The following ITGA9 variants were observed in gnomAD, a reference collection of about 807,000 sequenced individuals.
The protein encoded by ITGA9 is integrin alpha-9.
ITGA9 carries 56 observed loss-of-function variants against 127.8 expected under a neutral mutation model. The ratio of observed to expected loss-of-function variants is 0.44; its 90% CI spans 0.35 to 0.55. ITGA9 has a LOEUF of 0.55. ITGA9 is among the 20% of genes least tolerant of loss of function. The pLI is 0.00. For missense variants in ITGA9, 1,196 were observed against 1,347.1 expected, an observed-to-expected ratio of 0.89 and a Z score of 1.76; for synonymous variants, 508 against 514.5, an observed-to-expected ratio of 0.99 and a Z score of 0.17.
intron 18 of ITGA9, among the ~76,000 whole-genome samples, chr3:37,729,340 A>C (rs1159010332): frequency 5.3e-5 from 8 of 152,162 alleles, no homozygotes; most frequent in African/African-American, 1.9e-4. Context: ...CCCGGAGCAC[A>C]TGAGTCATGA....
chr3:37,552,753 G>A (rs1309468549), intron 15 of ITGA9, among the ~76,000 whole-genome samples: 1 of 152,130 alleles, frequency 6.6e-6, no homozygotes, highest in South Asian at 2.1e-4. Context: ...GGTGGCTCAC[G>A]CCTGTAATCC....
chr3:37,582,689 A>C (rs1699721243), intron 15 of ITGA9, among the ~76,000 whole-genome samples: 1 of 152,206 alleles, frequency 6.6e-6, no homozygotes, highest in Non-Finnish European at 1.5e-5. Context: ...AATCCCATTA[A>C]GTTGAAGGAA....
chr3:37,755,111 G>T (rs977086947), intron 23 of ITGA9, among the ~76,000 whole-genome samples: 5 of 152,150 alleles, frequency 3.3e-5, no homozygotes, highest in African/African-American at 1.2e-4. Context: ...GGCTTTAGTA[G>T]CCTTTTTCAT....
intron 26 of ITGA9, 98 bp from the exon 27 acceptor site, chr3:37,803,725 G>C: frequency 7.0e-7 from 1 of 1,424,548 alleles, no homozygotes; most frequent in South Asian, 1.2e-5. Flanking sequence ...AGTGAGCCGA[G>C]ATTGTGCCAT....
chr3:37,479,953 A>G (rs1422220435), intron 3 of ITGA9, among the ~76,000 whole-genome samples: 4 of 152,184 alleles, frequency 2.6e-5, no homozygotes, highest in African/African-American at 4.8e-5. Flanking sequence ...CACTTACGAA[A>G]ACAATGCGTT....
chr3:37,522,794 C>A (rs1699057681), intron 11 of ITGA9, among the ~76,000 whole-genome samples: 1 of 151,762 alleles, frequency 6.6e-6, no homozygotes, highest in Non-Finnish European at 1.5e-5. Context: ...GCTAGTGTGT[C>A]CCATGGTGAA....
In ITGA9 at chr3:37,811,796, C is replaced by T. The variant is rs987765781; in HGVS notation, c.3010-7095C>T. Among the ~76,000 whole-genome samples the T allele has an allele frequency of 2.6e-5, 4 of 152,226 alleles. No homozygotes were observed. In the South Asian group the frequency reaches 6.2e-4, roughly 24 times the overall value. On this transcript the variant is annotated intron_variant, in intron 27 of 27. Coordinates refer to ENST00000264741, the MANE Select transcript of ITGA9 (RefSeq NM_002207.3). ...GTCTTCCCAGGAGGCCCAGGACCTA[C>T]TTGCTCAAGTGGCAAAGAGACAGGC...
At chr3:37,624,501 A>T (rs72857236) in intron 15 of ITGA9, among the ~76,000 whole-genome samples, 303 of 152,076 alleles carry the variant, frequency 2.0e-3, no homozygotes, top group African/African-American at 6.9e-3. Flanking sequence ...CCAGTCCTGC[A>T]CCCATCAGTC....
At chr3:37,468,527 T>G (rs1470042162) in intron 1 of ITGA9, among the ~76,000 whole-genome samples, 1 of 152,184 alleles carries the variant, frequency 6.6e-6, no homozygotes, top group Non-Finnish European at 1.5e-5. Context: ...CTCAGACTTC[T>G]GTTGTATGAT....
rs1403980286 is a variant in ITGA9, at chr3:37,543,681, A to G, written c.1689+1096A>G. Among the ~76,000 whole-genome samples, 4 of 152,312 alleles carry G rather than the reference A, an allele frequency of 2.6e-5. No homozygotes were observed. In the East Asian group the frequency reaches 5.8e-4, roughly 22 times the overall value. ...TGATAGTTTGAAAAGTCTGCAGATT[A>G]GAGATGAAGTGTCCTCCTGTTAGTG... is the stretch of plus-strand genomic sequence containing the variant. On this transcript the variant is annotated intron_variant, in intron 15 of 27. Transcript: ENST00000264741.
At chr3:37,796,643 TA>T (rs1697177621) in intron 26 of ITGA9, among the ~76,000 whole-genome samples, 1 of 152,224 alleles carries the variant, frequency 6.6e-6, no homozygotes, top group South Asian at 2.1e-4. Flanking sequence ...TTTGCAAATA[TA>T]TTTTTGAAGG....
intron 15 of ITGA9, among the ~76,000 whole-genome samples, chr3:37,584,191 C>T (rs1156536573): frequency 6.6e-6 from 1 of 152,182 alleles, no homozygotes; most frequent in Non-Finnish European, 1.5e-5. Context: ...AGCTGTTCTC[C>T]ATGTCTCTTA....
chr3:37,601,904 G>A (rs1223974566), intron 15 of ITGA9, among the ~76,000 whole-genome samples: 1 of 152,206 alleles, frequency 6.6e-6, no homozygotes, highest in African/African-American at 2.4e-5. Flanking sequence ...GAGGGCGTCA[G>A]GCTGATTCTA....
At chr3:37,551,944 C>A (rs1489596014) in intron 15 of ITGA9, among the ~76,000 whole-genome samples, 1 of 152,254 alleles carries the variant, frequency 6.6e-6, no homozygotes, top group Non-Finnish European at 1.5e-5. Flanking sequence ...AGGCATAAGA[C>A]CATGGGCCAA....
At chr3:37,622,723 A>G (rs1700139567) in intron 15 of ITGA9, among the ~76,000 whole-genome samples, 1 of 151,876 alleles carries the variant, frequency 6.6e-6, no homozygotes, top group Admixed American at 6.6e-5. Flanking sequence ...TGTGTGCCTG[A>G]ATTCCCAGCT....
In ITGA9 at chr3:37,597,696, A is replaced by G. The variant is rs370616731; in HGVS notation, c.1690-31491A>G. On this transcript the variant is annotated intron_variant, in intron 15 of 27. Transcript: ENST00000264741. This position sits in a 1 kb window ranked among gnomAD's most constrained non-coding sequence, Gnocchi z 4.6. ...TCTATTTCAGTTATGTGTTACAATA[A>G]TAATGCTGCAGAACAAACTCAAAAC... is the stretch of plus-strand genomic sequence containing the variant. Among the ~76,000 whole-genome samples, 8 of 152,384 alleles carry G rather than the reference A, an allele frequency of 5.2e-5. No individual in the cohort carries two copies. The East Asian group carries it at 9.6e-4, about 18-fold the overall frequency.
At chr3:37,741,685 A>G (rs1461204114) in intron 20 of ITGA9, 45 bp from the exon 21 acceptor site, 1 of 1,458,152 alleles carries the variant, frequency 6.9e-7, no homozygotes, top group Non-Finnish European at 9.6e-7. Flanking sequence ...ACTGCTGGAC[A>G]GCTAGTGTTG....
At chr3:37,561,059 C>T (rs1010559789) in intron 15 of ITGA9, among the ~76,000 whole-genome samples, 2 of 152,128 alleles carry the variant, frequency 1.3e-5, no homozygotes, top group Admixed American at 6.5e-5. Flanking sequence ...CTGAGGGCCT[C>T]GTTTTAATTT....
At chr3:37,556,764 C>T (rs1264645400) in intron 15 of ITGA9, among the ~76,000 whole-genome samples, 3 of 152,222 alleles carry the variant, frequency 2.0e-5, no homozygotes, top group African/African-American at 7.2e-5. Context: ...GCAGTTGATG[C>T]AGGTATCAGA....
Sources: allele counts gnomAD v4.1 joint callset (sites outside exome capture counted in the v4.1 genomes callset), GRCh38; gene constraint gnomAD v4.1.1; non-coding constraint Gnocchi (gnomAD v3.1); transcripts MANE v1.5; gene names NCBI Gene and HGNC (gene_info 2026-07-23, HGNC 2026-07-21).